Variants in NSMF observed in about 807,000 individuals in gnomAD.
The protein encoded by NSMF is nasal embryonic LHRH factor.
A neutral mutation model predicts 71.0 loss-of-function variants in NSMF; 31 were observed. The ratio of observed to expected loss-of-function variants is 0.44; its 90% CI spans 0.33 to 0.59. NSMF has a LOEUF of 0.59. Ranked by LOEUF, NSMF falls within the 20% of genes least tolerant of loss-of-function variation. NSMF has a pLI of 0.04. For synonymous variants in NSMF, 345 were observed against 287.1 expected (o/e 1.20, Z -2.04); for missense variants, 673 against 740.5 (o/e 0.91, Z 1.06).
chr9:137,453,542 G>A lies in NSMF; in HGVS notation c.922+189C>T. 1 of 615,288 alleles carries A rather than the reference G, an allele frequency of 1.6e-6. No individual in the cohort carries two copies. The highest frequency in any genetic ancestry group is 2.8e-6 in the Non-Finnish European group (1 of 352,924). The allele number at this position is 615,288 out of a possible 1,614,324, so 38.1% of individuals were successfully genotyped here. A position where few individuals can be genotyped will look rare whatever the true frequency, so the allele number is the denominator to read the frequency against. ...CCTACAGGCGCCCCCGGCCAGCACT[G>A]CCGCGGCCGTTGTTAGCCCCGCCTT... On this transcript the variant is annotated intron_variant, in intron 8 of 15. Transcript: ENST00000371475. This position sits in a 1 kb window ranked among gnomAD's most constrained non-coding sequence, Gnocchi z 4.5.
chr9:137,457,449 G>C lies in NSMF; in HGVS notation c.586C>G (p.Arg196Gly), dbSNP rs776491850. ...CTGTACATCCTCTCCAGCTTCTTGCGGCGACCGGAGGTCTCAGGCAGAGGT... is the reference window on the plus strand; with the variant it reads ...CTGTACATCCTCTCCAGCTTCTTGCCGCGACCGGAGGTCTCAGGCAGAGGT... ...QPPLPETSGR[R>G]KKLERMYSVD... Residue 196 changes from arginine to glycine, a missense_variant, in exon 3 of 16, where the codon CGC becomes GGC. Coordinates refer to ENST00000371475, the MANE Select transcript of NSMF (RefSeq NM_001130969.3). 6 of 1,612,726 alleles carry C rather than the reference G, an allele frequency of 3.7e-6. No homozygotes were observed. Among genetic ancestry groups the C allele is most frequent in the Non-Finnish European group, 5.1e-6 (6 of 1,179,982 alleles).
rs367652051 is a variant in NSMF, at chr9:137,455,244, G to A, written c.774C>T (p.Ile258=). 3.1e-6 allele frequency: 5 copies of A among 1,612,660 alleles called. No individual in the cohort carries two copies. In the African/African-American group the frequency reaches 5.3e-5, roughly 17 times the overall value. ...RKRENDSASV[I]QRNFRKHLRM... is the part of the protein sequence containing the mutation. ...GAGTGGCTGGCAGGCCCTACCTCTG[G>A]ATTACAGACGCGGAATCATTCTCCC... Residue 258 remains isoleucine (I), a synonymous_variant, in exon 6 of 16, where the codon ATC becomes ATT. Coordinates refer to ENST00000371475, the MANE Select transcript of NSMF (RefSeq NM_001130969.3).
At chr9:137,455,493 G>C (rs747184707) in intron 5 of NSMF, 136 bp downstream of exon 5, 7 of 1,213,922 alleles carry the variant, frequency 5.8e-6, no homozygotes, top group African/African-American at 1.5e-5. Context: ...CTCGGTGCCC[G>C]CTGGGAGCCA....
intron 3 of NSMF, among the ~76,000 whole-genome samples, 164 bp from the exon 4 acceptor site, chr9:137,456,650 G>C: frequency 6.6e-6 from 1 of 152,190 alleles, no homozygotes; most frequent in Non-Finnish European, 1.5e-5. Flanking sequence ...AGAGGGCAGT[G>C]CTCGAATGTC....
intron 4 of NSMF, among the ~76,000 whole-genome samples, chr9:137,455,910 C>A (rs904838775): frequency 6.6e-6 from 1 of 152,250 alleles, no homozygotes; most frequent in Non-Finnish European, 1.5e-5. Flanking sequence ...CTCCCCCGGG[C>A]AGGACACTTC....
rs560559408 is a variant in NSMF at position 137,457,687 on chromosome 9, C to T, written c.348G>A (p.Ala116=). The T allele has an allele frequency of 9.7e-6, 15 of 1,551,380 alleles. No individual in the cohort carries two copies. The highest frequency in any genetic ancestry group is 7.3e-5 in the East Asian group (3 of 41,096). ...GEPALLPSPE[A]EAIELAVVKG... is the part of the protein sequence containing the mutation. ...TCACCACCGCCAGCTCAATGGCCTC[C>T]GCCTCAGGGCTGGGCAGCAGGGCAG... The change falls in exon 3 of 16, where the codon GCG becomes GCA. Residue 116 remains alanine, a synonymous_variant. Transcript: ENST00000371475.
intron 2 of NSMF, 117 bp from the exon 3 acceptor site, chr9:137,458,018 G>A: frequency 6.9e-7 from 1 of 1,439,364 alleles, no homozygotes; most frequent in South Asian, 1.2e-5. Context: ...GGGGACTAGG[G>A]CTGCCCAAAC....
rs1002985939 is a variant in NSMF, at chr9:137,448,164, CCAGAAGCTGGGCA to C, written c.*1217_*1229del. ...CAGCAGTGACCTCACAGGAGTGGGC[CCAGAAGCTGGGCA>C]CAGGAAGGCCCCTGGAAAGCACTGA... is the stretch of plus-strand genomic sequence containing the variant. On this transcript the variant is annotated 3_prime_UTR_variant, in exon 16 of 16. Transcript: ENST00000371475. The surrounding 1 kb of genome is among the most constrained non-coding windows in gnomAD (Gnocchi z 5.3). The C allele has an allele frequency of 6.5e-6, 1 of 152,868 alleles. No individual in the cohort carries two copies. Among genetic ancestry groups the C allele is most frequent in the African/African-American group, 2.4e-5 (1 of 41,464 alleles). 9.5% of individuals were successfully genotyped at this position (152,868 alleles called of 1,614,324 possible).
At chr9:137,454,513 C>T (rs971748019) in intron 6 of NSMF, 70 bp from the exon 7 acceptor site, 7 of 1,549,300 alleles carry the variant, frequency 4.5e-6, no homozygotes, top group Admixed American at 2.0e-5. Context: ...ACCTAGCCCC[C>T]GTCGGGTCAT....
intron 12 of NSMF, among the ~76,000 whole-genome samples, chr9:137,450,851 C>T (rs1202581712): frequency 1.1e-4 from 3 of 26,802 alleles, no homozygotes; most frequent in African/African-American, 3.7e-4. Flanking sequence ...GCCCGCCACG[C>T]CTCTTCCTTT....
At position 137,450,041 on chromosome 9, in the gene NSMF, G is replaced by A. The variant is rs778234237; in HGVS notation, c.1317-16C>T. On this transcript the variant is annotated splice_polypyrimidine_tract_variant and intron_variant, in intron 13 of 15. Coordinates refer to ENST00000371475, the MANE Select transcript of NSMF (RefSeq NM_001130969.3). ...CTTCCAGAAGCTGGTGGAGAGGGGT[G>A]GGTCACCCAGTGGCAGGGGACAGGC... 5 of 1,610,046 alleles carry A rather than the reference G, an allele frequency of 3.1e-6. No individual in the cohort carries two copies. The African/African-American group carries it at 6.7e-5, about 22-fold the overall frequency.
intron 11 of NSMF, 39 bp from the exon 12 acceptor site, chr9:137,452,474 C>T (rs1830584656): frequency 1.9e-6 from 3 of 1,612,284 alleles, no homozygotes; most frequent in African/African-American, 1.3e-5. Flanking sequence ...GCCCCCACCC[C>T]AGCCCCAGGG....
chr9:137,455,705 GC>G (rs1436091326), intron 4 of NSMF, 71 bp from the exon 5 acceptor site: 4 of 1,511,626 alleles, frequency 2.6e-6, no homozygotes, highest in Non-Finnish European at 3.6e-6. Context: ...CCTCCCCTCA[GC>G]CCCCACCCGG....
At chr9:137,455,554 A>C (rs1325766728) in intron 5 of NSMF, 75 bp downstream of exon 5, 1 of 1,512,962 alleles carries the variant, frequency 6.6e-7, no homozygotes, top group Non-Finnish European at 9.0e-7. Context: ...GGCCTGCCCA[A>C]ACCTATTTGG....
chr9:137,455,310 G>A lies in NSMF; in HGVS notation c.711-3C>T, dbSNP rs765869202. On this transcript the variant is annotated splice_region_variant and splice_polypyrimidine_tract_variant and intron_variant, in intron 5 of 15. Transcript: ENST00000371475. ...TCTCCGCGTAGCCCCTGAACACCCT[G>A]GGAAACCACCGCGAGTCAGCACTGC... The A allele has an allele frequency of 2.0e-5, 32 of 1,612,566 alleles. No individual in the cohort carries two copies. The highest frequency in any genetic ancestry group is 2.5e-5 in the Non-Finnish European group (30 of 1,179,904).
intron 3 of NSMF, 90 bp from the exon 4 acceptor site, chr9:137,456,576 C>T: frequency 1.2e-6 from 1 of 821,344 alleles, no homozygotes; most frequent in Non-Finnish European, 2.1e-6. Flanking sequence ...CTTCTGGGTC[C>T]AGGGGTCAGC....
rs371490890 is a variant in NSMF, at chr9:137,452,389, G to A, written c.1212C>T (p.Ile404=). Residue 404 remains isoleucine (I), a synonymous_variant, in exon 12 of 16, where the codon ATC becomes ATT. Transcript: ENST00000371475. ...CCTGGCAGAAAATCAGCATTTTCCA[G>A]ATCTTGGCTCCCTTGTGGTAGACGT... is the stretch of plus-strand genomic sequence containing the variant. ...KLNVYHKGAK[I]WKMLIFCQGG... is the part of the protein sequence containing the mutation. 65 of 1,612,110 alleles carry A rather than the reference G, an allele frequency of 4.0e-5. 1 individual carries two copies. The highest frequency in any genetic ancestry group is 4.5e-5 in the Non-Finnish European group (53 of 1,179,838).
chr9:137,456,247 C>T lies in NSMF; in HGVS notation c.704+164G>A, dbSNP rs571084366. ...GGCACCAGCCATGGGAGGGGAAGAG[C>T]AGTCAGCCCTGGCCTCCCTGGCAGG... On this transcript the variant is annotated intron_variant, in intron 4 of 15. Coordinates refer to ENST00000371475, the MANE Select transcript of NSMF (RefSeq NM_001130969.3). 1.3e-3 allele frequency: 982 copies of T among 728,780 alleles called. 4 individuals are homozygous for T. The highest frequency in any genetic ancestry group is 1.9e-3 in the Non-Finnish European group (763 of 397,060). 45.1% of individuals were successfully genotyped at this position (728,780 alleles called of 1,614,324 possible).
intron 5 of NSMF, 28 bp downstream of exon 5, chr9:137,455,601 T>C: frequency 6.5e-7 from 1 of 1,549,738 alleles, no homozygotes; most frequent in South Asian, 1.2e-5. Context: ...AGCTGTGCCC[T>C]TAGGCACCAA....
Sources: allele counts gnomAD v4.1 joint callset (sites outside exome capture counted in the v4.1 genomes callset), GRCh38; gene constraint gnomAD v4.1.1; non-coding constraint Gnocchi (gnomAD v3.1); transcripts MANE v1.5; gene names NCBI Gene and HGNC (gene_info 2026-07-23, HGNC 2026-07-21).